SLC24A5: variants seen among roughly 807,000 people sequenced by gnomAD.
SLC24A5 encodes the protein solute carrier family 24 member 5.
A neutral mutation model predicts 51.6 loss-of-function variants in SLC24A5; 46 were observed. The observed-to-expected ratio is 0.89, with a 90% CI of 0.70 to 1.14. SLC24A5 has a LOEUF of 1.14. SLC24A5 is among the 50% of genes most tolerant of loss of function. SLC24A5 has a pLI of 0.00. For synonymous variants in SLC24A5, 230 were observed against 214.9 expected (o/e 1.07, Z -0.62); for missense variants, 581 against 604.1 (o/e 0.96, Z 0.40).
intron 6 of SLC24A5, chr15:48,138,178 G>A (rs1421811733): frequency 1.3e-5 from 2 of 151,878 alleles, no homozygotes; most frequent in African/African-American, 4.8e-5. Flanking sequence ...TTGAAGCTTG[G>A]CAAACTTTTT....
At chr15:48,131,296 A>G (rs2038787341) in intron 2 of SLC24A5, among the ~76,000 whole-genome samples, 1 of 152,120 alleles carries the variant, frequency 6.6e-6, no homozygotes, top group African/African-American at 2.4e-5. Context: ...GTATATGTGT[A>G]TATGTATGTA....
At chr15:48,129,478 GAC>G (rs908841982) in intron 2 of SLC24A5, among the ~76,000 whole-genome samples, 1 of 152,124 alleles carries the variant, frequency 6.6e-6, no homozygotes, top group Non-Finnish European at 1.5e-5. Flanking sequence ...GGGTCTGATA[GAC>G]TTTTGATTGT....
At chr15:48,134,179 T>C (rs2038837624) in intron 2 of SLC24A5, 79 bp from the exon 3 acceptor site, 1 of 1,161,524 alleles carries the variant, frequency 8.6e-7, no homozygotes, top group Admixed American at 1.8e-5. Flanking sequence ...AGCTGTAGCT[T>C]TGAGTATCTA....
chr15:48,141,275 A>G (rs1273577495), intron 8 of SLC24A5, 61 bp downstream of exon 8: 15 of 1,370,346 alleles, frequency 1.1e-5, no homozygotes, highest in Non-Finnish European at 1.4e-5. Context: ...GAGTAAAAGT[A>G]GCTTTAAAAA....
At chr15:48,133,452 CTT>C (rs1354944236) in intron 2 of SLC24A5, among the ~76,000 whole-genome samples, 1 of 152,082 alleles carries the variant, frequency 6.6e-6, no homozygotes, top group East Asian at 1.9e-4. Context: ...TGACTCTCAT[CTT>C]GTCAGTCCCT....
rs538570737 is a variant in SLC24A5 at position 48,135,115 on chromosome 15, G to A, written c.590+131G>A. The A allele has an allele frequency of 4.2e-5, 27 of 647,438 alleles. No individual in the cohort carries two copies. In the African/African-American group the frequency reaches 4.9e-4, roughly 12 times the overall value. 40.1% of individuals were successfully genotyped at this position (647,438 alleles called of 1,614,324 possible). Reference sequence around the variant, plus strand: ...TTCTATACCATATTCCAACAGGTCTGTGAGTTAACCTCATCACAATTGCTG... The same window carrying A: ...TTCTATACCATATTCCAACAGGTCTATGAGTTAACCTCATCACAATTGCTG... On this transcript the variant is annotated intron_variant, in intron 5 of 8. Transcript: ENST00000341459.
chr15:48,134,115 G>GAC (rs1469301492), intron 2 of SLC24A5, 143 bp from the exon 3 acceptor site: 1 of 692,760 alleles, frequency 1.4e-6, no homozygotes, highest in African/African-American at 1.8e-5. Flanking sequence ...CAAAACATTG[G>GAC]ACTCTTTTAA....
chr15:48,139,521 TAA>T (rs397960204), intron 7 of SLC24A5: 17 of 144,138 alleles, frequency 1.2e-4, no homozygotes, highest in East Asian at 3.8e-4. Context: ...CATTCCATAA[TAA>T]AAAAAAAAAA....
Position 48,136,933 on chromosome 15 carries a change from A to G in SLC24A5, c.841A>G (p.Ser281Gly), listed in dbSNP as rs2038915181. ...EDSGYSQLSI[S>G]LHGLSQVSED... is the part of the protein sequence containing the mutation. ...TTCTGGCTACTCTCAGCTCTCTATA[A>G]GTTTACATGGCCTTAGTCAGGTTTC... Residue 281 changes from serine (S) to glycine (G), a missense_variant, in exon 6 of 9, where the codon AGT becomes GGT. Ser to Gly is a moderately conservative substitution (Grantham distance 56). Transcript: ENST00000341459. 2 of 1,613,226 alleles carry G rather than the reference A, an allele frequency of 1.2e-6. No individual in the cohort carries two copies. Among genetic ancestry groups the G allele is most frequent in the African/African-American group, 2.7e-5 (2 of 74,902 alleles).
chr15:48,135,324 G>A (rs2038870085), intron 5 of SLC24A5: 1 of 186,986 alleles, frequency 5.3e-6, no homozygotes, highest in Admixed American at 5.6e-5. Flanking sequence ...CTGGGTTACT[G>A]CTCACCTTGC....
intron 6 of SLC24A5, 86 bp downstream of exon 6, chr15:48,137,049 C>A (rs2140743130): frequency 7.2e-7 from 1 of 1,398,092 alleles, no homozygotes; most frequent in Non-Finnish European, 9.6e-7. Context: ...GTATTGTGTG[C>A]TTTTTATGTA....
At chr15:48,134,130 T>G in intron 2 of SLC24A5, 128 bp from the exon 3 acceptor site, 1 of 759,124 alleles carries the variant, frequency 1.3e-6, no homozygotes, top group Non-Finnish European at 2.2e-6. Context: ...TTTTAATCTG[T>G]GTATTTTATT....
intron 2 of SLC24A5, among the ~76,000 whole-genome samples, chr15:48,129,801 C>T (rs2038770602): frequency 6.6e-6 from 1 of 151,492 alleles, no homozygotes; most frequent in African/African-American, 2.4e-5. Context: ...CATTCTATAA[C>T]TTTGAGTAAA....
rs1172691253 is a variant in SLC24A5, at chr15:48,139,161, T to C, written c.1064T>C (p.Met355Thr). 1 of 1,611,482 alleles carries C rather than the reference T, an allele frequency of 6.2e-7. No individual in the cohort carries two copies. Among genetic ancestry groups the C allele is most frequent in the South Asian group, 1.1e-5 (1 of 90,968 alleles). ...ISAFTYILVW[M>T]VTITGETLEI... Reference sequence around the variant, plus strand: ...GCATTTACATATATCCTGGTTTGGATGGTCACAATAACTGGTATGTATTTT... The same window carrying C: ...GCATTTACATATATCCTGGTTTGGACGGTCACAATAACTGGTATGTATTTT... The change falls in exon 7 of 9, where the codon ATG becomes ACG. Residue 355 changes from methionine to threonine, a missense_variant. Physicochemically the swap from Met to Thr is moderately conservative, Grantham distance 81. Transcript: ENST00000341459.
At position 48,142,088 on chromosome 15, in the gene SLC24A5, C is replaced by G. The variant is rs770666675; in HGVS notation, c.1240C>G (p.Leu414Val). 6.2e-7 allele frequency: 1 copy of G among 1,613,728 alleles called. No individual in the cohort carries two copies. Residue 414 changes from leucine to valine, a missense_variant, in exon 9 of 9, where the codon CTT (leucine) becomes GTT (valine). By Grantham distance (32) the Leu-to-Val change is conservative. Coordinates refer to ENST00000341459, the MANE Select transcript of SLC24A5 (RefSeq NM_205850.3). ...VGSNVFDMLCLGIPWFIKTAF... is the reference protein window; with the variant it reads ...VGSNVFDMLCVGIPWFIKTAF... ...ATCCAATGTGTTTGATATGTTGTGCCTTGGTATTCCATGGTTTATTAAAAC... is the reference window on the plus strand; with the variant it reads ...ATCCAATGTGTTTGATATGTTGTGCGTTGGTATTCCATGGTTTATTAAAAC...
intron 2 of SLC24A5, among the ~76,000 whole-genome samples, chr15:48,125,110 T>C (rs1043102703): frequency 2.6e-5 from 4 of 152,076 alleles, no homozygotes; most frequent in Non-Finnish European, 4.4e-5. Context: ...TGATGAGCAT[T>C]GAGTCATAAT....
chr15:48,138,833 G>T, intron 6 of SLC24A5, 136 bp from the exon 7 acceptor site: 1 of 638,992 alleles, frequency 1.6e-6, no homozygotes, highest in Non-Finnish European at 2.8e-6. Flanking sequence ...TATCAGTAAT[G>T]AGGTACTCAA....
chr15:48,134,455 G>T lies in SLC24A5; in HGVS notation c.406G>T (p.Asp136Tyr). The T allele has an allele frequency of 6.2e-7, 1 of 1,613,426 alleles. No homozygotes were observed. Among genetic ancestry groups the T allele is most frequent in the Non-Finnish European group, 8.5e-7 (1 of 1,179,484 alleles). Residue 136 changes from aspartate (D) to tyrosine (Y), a missense_variant, in exon 4 of 9, where the codon GAT (aspartate) becomes TAT (tyrosine). Asp to Tyr is a radical substitution (Grantham distance 160). Transcript: ENST00000341459. ...CATAGGTGTATTTATCACAAAGGGA[G>T]ATATTGGCATTAGCACCATCCTTGG... The part of the protein sequence containing the change: ...AFLGVFITKG[D>Y]IGISTILGSA...
At chr15:48,137,009 A>T (rs776826638) in intron 6 of SLC24A5, 46 bp downstream of exon 6, 8 of 1,536,980 alleles carry the variant, frequency 5.2e-6, no homozygotes, top group Middle Eastern at 1.8e-4. Flanking sequence ...CGCAAAGGAA[A>T]AACTTTAAAA....
Sources: allele counts gnomAD v4.1 joint callset (sites outside exome capture counted in the v4.1 genomes callset), GRCh38; gene constraint gnomAD v4.1.1; transcripts MANE v1.5; gene names NCBI Gene and HGNC (gene_info 2026-07-23, HGNC 2026-07-21).